The following KCND2 variants were observed in gnomAD, a reference collection of about 807,000 sequenced individuals.
KCND2 encodes potassium voltage-gated channel subfamily D member 2.
In KCND2, 16 loss-of-function variants were observed where a neutral mutation model predicts 54.4. The ratio of observed to expected loss-of-function variants is 0.29; its 90% confidence interval spans 0.20 to 0.45. KCND2 has a LOEUF of 0.45. Among genes scored for constraint, KCND2 ranks in the 20% least tolerant of loss-of-function variants. The probability of loss-of-function intolerance (pLI) is 1.00; values close to 1 mark genes in which losing one functional copy is unlikely to be tolerated. For missense variants in KCND2, 486 were observed against 824.2 expected, an observed-to-expected ratio of 0.59 and a Z score of 5.02; for synonymous variants, 317 against 310.7, an observed-to-expected ratio of 1.02 and a Z score of -0.21.
At chr7:120,629,402 C>T (rs563654682) in intron 1 of KCND2, among the ~76,000 whole-genome samples, 1 of 152,106 alleles carries the variant, frequency 6.6e-6, no homozygotes, top group East Asian at 1.9e-4. Context: ...AGGAGAATGG[C>T]GTGAACCCGG....
chr7:120,503,002 GT>G (rs1294606274), intron 1 of KCND2, among the ~76,000 whole-genome samples: 1 of 152,038 alleles, frequency 6.6e-6, no homozygotes, highest in Admixed American at 6.6e-5. Flanking sequence ...TGGTTTTTCA[GT>G]TTTTATTTAC....
At chr7:120,403,409 C>T (rs886329075) in intron 1 of KCND2, among the ~76,000 whole-genome samples, 5 of 151,590 alleles carry the variant, frequency 3.3e-5, no homozygotes, top group East Asian at 1.9e-4. Flanking sequence ...CTCTGCCTCC[C>T]GTGTTCAAGC....
At chr7:120,726,321 A>G (rs1460605195) in intron 1 of KCND2, among the ~76,000 whole-genome samples, 5 of 152,194 alleles carry the variant, frequency 3.3e-5, no homozygotes, top group Admixed American at 3.3e-4. Flanking sequence ...GTGTTATGTA[A>G]CAACACTCAA....
intron 1 of KCND2, among the ~76,000 whole-genome samples, chr7:120,542,764 T>C (rs1322285128): frequency 6.6e-6 from 1 of 152,134 alleles, no homozygotes; most frequent in African/African-American, 2.4e-5. Flanking sequence ...AGCACATGGC[T>C]TGGAAGAGAT....
At chr7:120,661,633 G>A (rs888427606) in intron 1 of KCND2, among the ~76,000 whole-genome samples, 1 of 148,482 alleles carries the variant, frequency 6.7e-6, no homozygotes, top group Admixed American at 6.6e-5. Flanking sequence ...CTGGGTGACA[G>A]AGCTAGACTT....
At chr7:120,464,849 C>A (rs1382838098) in intron 1 of KCND2, among the ~76,000 whole-genome samples, 1 of 152,098 alleles carries the variant, frequency 6.6e-6, no homozygotes, top group Non-Finnish European at 1.5e-5. Flanking sequence ...GCACTTGGAG[C>A]CCCCGTGTTT....
At chr7:120,581,904 G>T (rs1389785025) in intron 1 of KCND2, among the ~76,000 whole-genome samples, 2 of 151,966 alleles carry the variant, frequency 1.3e-5, no homozygotes, top group Admixed American at 1.3e-4. Context: ...AATAGAGACA[G>T]GGTTTCACCA....
At chr7:120,276,594 T>C (rs1350879385) in intron 1 of KCND2, among the ~76,000 whole-genome samples, 1 of 152,154 alleles carries the variant, frequency 6.6e-6, no homozygotes, top group African/African-American at 2.4e-5. Flanking sequence ...GGGGTCCTAA[T>C]TTCCTTTTAG....
chr7:120,694,634 C>T (rs992381969), intron 1 of KCND2, among the ~76,000 whole-genome samples: 5 of 152,104 alleles, frequency 3.3e-5, no homozygotes, highest in African/African-American at 1.2e-4. Context: ...AGAAGGACCA[C>T]CATAATTCTA....
At chr7:120,428,391 A>G (rs574386861) in intron 1 of KCND2, among the ~76,000 whole-genome samples, 13 of 152,364 alleles carry the variant, frequency 8.5e-5, no homozygotes, top group Admixed American at 7.2e-4. Flanking sequence ...AGTGTTAACT[A>G]AGGTGAAACC....
At chr7:120,692,521 C>A (rs1006380805) in intron 1 of KCND2, among the ~76,000 whole-genome samples, 1 of 152,138 alleles carries the variant, frequency 6.6e-6, no homozygotes, top group East Asian at 1.9e-4. Context: ...TCAACCTTGG[C>A]AGACTGGGTG....
At chr7:120,395,158 C>A (rs2116062550) in intron 1 of KCND2, among the ~76,000 whole-genome samples, 1 of 151,966 alleles carries the variant, frequency 6.6e-6, no homozygotes, top group East Asian at 1.9e-4. Context: ...AATAACATAA[C>A]TGTTTTGTGT....
chr7:120,687,107 G>A (rs1199509338), intron 1 of KCND2, among the ~76,000 whole-genome samples: 1 of 151,964 alleles, frequency 6.6e-6, no homozygotes, highest in African/African-American at 2.4e-5. Flanking sequence ...GCAACAACAT[G>A]GATGAACCTT....
chr7:120,412,654 A>G (rs1340766128), intron 1 of KCND2, among the ~76,000 whole-genome samples: 1 of 152,004 alleles, frequency 6.6e-6, no homozygotes, highest in Non-Finnish European at 1.5e-5. Context: ...GCGGTCATCA[A>G]GACTTTTTGT....
chr7:120,309,218 C>A (rs929267062), intron 1 of KCND2, among the ~76,000 whole-genome samples: 6 of 152,096 alleles, frequency 3.9e-5, no homozygotes, highest in African/African-American at 1.4e-4. Context: ...ACCTCTGCAT[C>A]CACGCAATCG....
chr7:120,560,614 G>A (rs1430614289), intron 1 of KCND2, among the ~76,000 whole-genome samples: 1 of 152,100 alleles, frequency 6.6e-6, no homozygotes, highest in Non-Finnish European at 1.5e-5. Context: ...GCTAAGAAAG[G>A]AGAAATCTTG....
At chr7:120,334,033 G>A (rs1048376593) in intron 1 of KCND2, among the ~76,000 whole-genome samples, 1 of 152,096 alleles carries the variant, frequency 6.6e-6, no homozygotes, top group African/African-American at 2.4e-5. Flanking sequence ...TAGAAATTGG[G>A]TTCTTGAGGT....
intron 1 of KCND2, among the ~76,000 whole-genome samples, chr7:120,473,459 A>G (rs895283018): frequency 1.3e-5 from 2 of 152,150 alleles, no homozygotes; most frequent in Admixed American, 6.5e-5. Flanking sequence ...GAGTCTTTCT[A>G]GTCATTCAGA....
chr7:120,728,273 G>C (rs1310467259), intron 1 of KCND2, among the ~76,000 whole-genome samples: 1 of 149,158 alleles, frequency 6.7e-6, no homozygotes, highest in Non-Finnish European at 1.5e-5. Context: ...CTCTTGTTTC[G>C]TTCTTCTTCT....
Sources: gnomAD v4.1 joint callset for allele counts (sites outside exome capture counted in the v4.1 genomes callset) on GRCh38, gnomAD v4.1.1 for gene constraint, MANE v1.5 for transcripts, NCBI Gene and HGNC (gene_info 2026-07-23, HGNC 2026-07-21) for gene names.